Variants in FBXW8 observed in about 807,000 individuals in gnomAD.
FBXW8 encodes F-box and WD repeat domain containing 8.
FBXW8 carries 57 observed loss-of-function variants against 65.3 expected under a neutral mutation model. The ratio of observed to expected loss-of-function variants is 0.87; its 90% CI spans 0.71 to 1.09. The LOEUF is 1.09. Ranked by LOEUF, FBXW8 falls within the 50% of genes least tolerant of loss-of-function variation. The pLI, the probability that FBXW8 is intolerant of heterozygous loss-of-function variation, is 0.00. For synonymous variants in FBXW8, 308 were observed against 330.2 expected, an observed-to-expected ratio of 0.93 and a Z score of 0.73; for missense variants, 777 against 814.8, an observed-to-expected ratio of 0.95 and a Z score of 0.57.
At chr12:117,001,899 A>C (rs889907948) in intron 7 of FBXW8, among the ~76,000 whole-genome samples, 4 of 152,208 alleles carry the variant, frequency 2.6e-5, no homozygotes, top group Non-Finnish European at 5.9e-5. Flanking sequence ...AAATGATCCC[A>C]AAGCAAAGAG....
chr12:116,988,660 C>T lies in FBXW8; in HGVS notation c.1033-3C>T. 6.2e-7 allele frequency: 1 copy of T among 1,613,838 alleles called. No homozygotes were observed. On this transcript the variant is annotated splice_region_variant and splice_polypyrimidine_tract_variant and intron_variant, in intron 6 of 10. Coordinates refer to ENST00000652555, the MANE Select transcript of FBXW8 (RefSeq NM_153348.3). ...GGACTAAACAACTCTTACCTTTTAA[C>T]AGGTTCAGTACCTTGAAATAGTTCC... is the stretch of plus-strand genomic sequence containing the variant.
chr12:117,012,743 AT>A (rs1219253008), intron 8 of FBXW8, among the ~76,000 whole-genome samples: 2 of 152,152 alleles, frequency 1.3e-5, no homozygotes, highest in African/African-American at 4.8e-5. Context: ...GACTGATGCA[AT>A]TTTTTACAAA....
chr12:117,006,966 G>GA (rs1565938562), intron 7 of FBXW8, among the ~76,000 whole-genome samples: 1 of 152,192 alleles, frequency 6.6e-6, no homozygotes, highest in African/African-American at 2.4e-5. Flanking sequence ...AAGGAGTTGT[G>GA]AAATAATCCC....
At chr12:117,022,622 T>C (rs1954126278) in intron 8 of FBXW8, among the ~76,000 whole-genome samples, 1 of 152,172 alleles carries the variant, frequency 6.6e-6, no homozygotes, top group African/African-American at 2.4e-5. Flanking sequence ...GCCACTACAC[T>C]CCAGCCTGGG....
intron 2 of FBXW8, among the ~76,000 whole-genome samples, chr12:116,942,770 A>ATTTT (rs71099022): frequency 1.3e-3 from 81 of 64,368 alleles, no homozygotes; most frequent in African/African-American, 4.1e-3. Flanking sequence ...CAGAGCTTCT[A>ATTTT]TTTTTTTTTT....
intron 1 of FBXW8, among the ~76,000 whole-genome samples, chr12:116,924,456 G>T (rs897470935): frequency 6.6e-6 from 1 of 152,162 alleles, no homozygotes; most frequent in African/African-American, 2.4e-5. Context: ...CTAGCTATTT[G>T]AAAATATACA....
At chr12:117,023,795 C>G (rs533018574) in intron 8 of FBXW8, among the ~76,000 whole-genome samples, 16 of 152,376 alleles carry the variant, frequency 1.1e-4, no homozygotes, top group African/African-American at 3.8e-4. Context: ...ATTTTACCAA[C>G]AGCAAAATTA....
At chr12:117,007,220 T>C (rs1953696856) in intron 7 of FBXW8, among the ~76,000 whole-genome samples, 1 of 152,108 alleles carries the variant, frequency 6.6e-6, no homozygotes, top group South Asian at 2.1e-4. Context: ...CAAGTTAAGA[T>C]TCTAAGACCA....
intron 1 of FBXW8, among the ~76,000 whole-genome samples, chr12:116,923,598 A>G (rs1881074695): frequency 6.6e-6 from 1 of 151,480 alleles, no homozygotes; most frequent in Non-Finnish European, 1.5e-5. Context: ...ATCTCGGCTC[A>G]CTGTAAGCTC....
intron 5 of FBXW8, 40 bp downstream of exon 5, chr12:116,964,894 A>C: frequency 1.3e-6 from 2 of 1,535,004 alleles, no homozygotes; most frequent in Non-Finnish European, 1.7e-6. Context: ...AGGAAAAAAA[A>C]AAGCTTTACA....
chr12:116,988,610 T>C, intron 6 of FBXW8, 53 bp from the exon 7 acceptor site: 1 of 1,537,988 alleles, frequency 6.5e-7, no homozygotes, highest in Non-Finnish European at 9.0e-7. Context: ...TTGCATATTT[T>C]TGATCAAGTC....
intron 7 of FBXW8, among the ~76,000 whole-genome samples, chr12:117,001,951 C>T (rs1359044735): frequency 6.6e-6 from 1 of 152,218 alleles, no homozygotes; most frequent in Non-Finnish European, 1.5e-5. Flanking sequence ...GCCTGGCCTT[C>T]CTTTATTATT....
chr12:116,968,197 G>A (rs1411704231), intron 5 of FBXW8, among the ~76,000 whole-genome samples: 2 of 152,030 alleles, frequency 1.3e-5, no homozygotes, highest in Non-Finnish European at 2.9e-5. Context: ...ACATTTTTAG[G>A]GTTCAAAGAT....
At chr12:116,953,498 G>A (rs1318090299) in intron 4 of FBXW8, among the ~76,000 whole-genome samples, 4 of 152,064 alleles carry the variant, frequency 2.6e-5, no homozygotes, top group East Asian at 3.9e-4. Context: ...CCGGCTGGGC[G>A]CGGTGGCTCA....
At chr12:116,950,353 C>A (rs939480855) in intron 4 of FBXW8, 4 of 152,336 alleles carry the variant, frequency 2.6e-5, no homozygotes, top group African/African-American at 9.7e-5. Context: ...AGGAAGATGT[C>A]ATGAACTACA....
intron 4 of FBXW8, among the ~76,000 whole-genome samples, chr12:116,957,098 G>A (rs1413330358): frequency 6.6e-6 from 1 of 152,098 alleles, no homozygotes; most frequent in Non-Finnish European, 1.5e-5. Context: ...TGTAATCCTA[G>A]CACTTTGGGA....
intron 2 of FBXW8, among the ~76,000 whole-genome samples, chr12:116,930,282 A>G (rs1881668955): frequency 6.6e-6 from 1 of 152,204 alleles, no homozygotes; most frequent in South Asian, 2.1e-4. Context: ...CATTCCCACT[A>G]ACAGTGTGCA....
intron 9 of FBXW8, among the ~76,000 whole-genome samples, chr12:117,027,106 G>A (rs544702489): frequency 2.4e-4 from 37 of 152,300 alleles, no homozygotes; most frequent in Non-Finnish European, 4.1e-4. Context: ...TCTGCAGTAG[G>A]GTGTGCCCTT....
intron 1 of FBXW8, among the ~76,000 whole-genome samples, chr12:116,917,774 C>T (rs1029305981): frequency 4.6e-5 from 7 of 152,048 alleles, no homozygotes; most frequent in African/African-American, 1.4e-4. Context: ...GGATGGATCA[C>T]GAGGTCAGGA....
Sources: allele counts gnomAD v4.1 joint callset (sites outside exome capture counted in the v4.1 genomes callset), GRCh38; gene constraint gnomAD v4.1.1; transcripts MANE v1.5; gene names NCBI Gene and HGNC (gene_info 2026-07-23, HGNC 2026-07-21).